UBTD2: variants seen among roughly 807,000 people sequenced by gnomAD.
UBTD2 encodes the protein ubiquitin domain containing 2, also known as ubiquitin domain-containing protein 2.
A neutral mutation model predicts 19.8 loss-of-function variants in UBTD2; 9 were observed. The observed-to-expected ratio is 0.46, with a 90% CI of 0.27 to 0.79. The LOEUF (loss-of-function observed/expected upper bound fraction) is 0.79. Among genes scored for constraint, UBTD2 ranks in the 30% least tolerant of loss-of-function variants. The pLI, the probability that UBTD2 is intolerant of heterozygous loss-of-function variation, is 0.14. For synonymous variants in UBTD2, 98 were observed against 103.9 expected (o/e 0.94, Z 0.35); for missense variants, 250 against 300.4 (o/e 0.83, Z 1.24).
intron 1 of UBTD2, among the ~76,000 whole-genome samples, chr5:172,277,472 C>G (rs1436820258): frequency 6.6e-6 from 1 of 151,902 alleles, no homozygotes; most frequent in Non-Finnish European, 1.5e-5. Context: ...TTTGGGAGGT[C>G]AAGGAGGGAG....
intron 1 of UBTD2, among the ~76,000 whole-genome samples, chr5:172,261,630 CT>C (rs967721607): frequency 5.0e-4 from 74 of 146,554 alleles, no homozygotes; most frequent in Middle Eastern, 3.6e-3. Context: ...CTCACATACA[CT>C]TTTTTTTTTT....
chr5:172,235,088 A>AT lies in UBTD2; in HGVS notation c.71-731dup, dbSNP rs11441063. Among the ~76,000 whole-genome samples, 340 of 151,696 alleles carry AT rather than the reference A, an allele frequency of 2.2e-3. 1 individual carries two copies. Among genetic ancestry groups the AT allele is most frequent in the Middle Eastern group, 0.014 (4 of 294 alleles). On this transcript the variant is annotated intron_variant, in intron 1 of 2. Transcript: ENST00000393792. ...ATGAATCTAAAACTGCTCTAAAAAA[A>AT]TTTTTTTTTAATACAATGAAAGTTT...
At chr5:172,276,294 A>C (rs1200413013) in intron 1 of UBTD2, among the ~76,000 whole-genome samples, 1 of 152,166 alleles carries the variant, frequency 6.6e-6, no homozygotes, top group African/African-American at 2.4e-5. Context: ...CAGTCAGTAC[A>C]TTCTTTTCAT....
intron 1 of UBTD2, among the ~76,000 whole-genome samples, chr5:172,237,665 GAAA>G (rs1188455980): frequency 6.6e-6 from 1 of 152,086 alleles, no homozygotes; most frequent in East Asian, 1.9e-4. Context: ...AAATAACTGG[GAAA>G]AAAATTAGCA....
chr5:172,283,770 C>A (rs1755776004), upstream of UBTD2: 1 of 775,392 alleles, frequency 1.3e-6, no homozygotes. The surrounding 1 kb of genome is among the most constrained non-coding windows in gnomAD (Gnocchi z 4.3). Context: ...CGGACAGGCG[C>A]GCCGCTCCGC....
chr5:172,281,847 T>A (rs781353909), intron 1 of UBTD2, among the ~76,000 whole-genome samples: 1 of 152,178 alleles, frequency 6.6e-6, no homozygotes, highest in Non-Finnish European at 1.5e-5. Context: ...GTGGTTAATG[T>A]TCCTTTTTCT....
chr5:172,268,421 C>T (rs1169808006), intron 1 of UBTD2, among the ~76,000 whole-genome samples: 2 of 152,124 alleles, frequency 1.3e-5, no homozygotes, highest in African/African-American at 4.8e-5. Flanking sequence ...AAAACAGAGG[C>T]TACAGCACAC....
intron 2 of UBTD2, among the ~76,000 whole-genome samples, chr5:172,228,253 C>T (rs1029538245): frequency 6.6e-6 from 1 of 152,124 alleles, no homozygotes; most frequent in Admixed American, 6.5e-5. Context: ...AATGACTTGT[C>T]CAGGGCATTG....
chr5:172,224,634 C>T (rs549093773), intron 2 of UBTD2, among the ~76,000 whole-genome samples: 169 of 152,242 alleles, frequency 1.1e-3, no homozygotes, highest in African/African-American at 3.9e-3. Flanking sequence ...CTCTGCTCCT[C>T]ACTCTTCTCT....
At chr5:172,247,191 C>T (rs573916114) in intron 1 of UBTD2, among the ~76,000 whole-genome samples, 1 of 152,020 alleles carries the variant, frequency 6.6e-6, no homozygotes, top group South Asian at 2.1e-4. Flanking sequence ...AAATACTAAT[C>T]AAAAGAAAGT....
chr5:172,235,851 G>C (rs1389004818), intron 1 of UBTD2, among the ~76,000 whole-genome samples: 1 of 152,196 alleles, frequency 6.6e-6, no homozygotes, highest in East Asian at 1.9e-4. Context: ...GAAAAGATAA[G>C]AAGAGTGTTG....
In UBTD2 at chr5:172,283,095, C is replaced by A. The variant is rs1349622147; in HGVS notation, c.70+501G>T. 2.0e-5 allele frequency among the ~76,000 whole-genome samples: 3 copies of A among 152,122 alleles called. No homozygotes were observed. Among genetic ancestry groups the A allele is most frequent in the African/African-American group, 7.2e-5 (3 of 41,420 alleles). On this transcript the variant is annotated intron_variant, in intron 1 of 2. Transcript: ENST00000393792. This position sits in a 1 kb window ranked among gnomAD's most constrained non-coding sequence, Gnocchi z 4.3. ...CCAGAAACTCGCAGGTTTAAATGGC[C>A]AATCTGGAACCAACCGGGGCAGCTG... is the stretch of plus-strand genomic sequence containing the variant.
At chr5:172,255,065 G>A (rs574748324) in intron 1 of UBTD2, 26 of 500,736 alleles carry the variant, frequency 5.2e-5, no homozygotes, top group South Asian at 3.4e-4. Context: ...CATCATCTGC[G>A]GCATGGACAA....
At chr5:172,240,608 T>C (rs1254710692) in intron 1 of UBTD2, among the ~76,000 whole-genome samples, 3 of 152,128 alleles carry the variant, frequency 2.0e-5, no homozygotes, top group South Asian at 4.1e-4. Flanking sequence ...TACCGCAACA[T>C]AGTATGTTCA....
chr5:172,255,231 C>T, intron 1 of UBTD2: 1 of 454,170 alleles, frequency 2.2e-6, no homozygotes, highest in South Asian at 1.8e-5. Flanking sequence ...GTGAACTCCG[C>T]TTGCTCACCA....
At chr5:172,215,726 A>C (rs1771527646) in intron 2 of UBTD2, among the ~76,000 whole-genome samples, 1 of 152,224 alleles carries the variant, frequency 6.6e-6, no homozygotes. Context: ...TGGGAATGTA[A>C]TAAGAGAGAT....
intron 1 of UBTD2, among the ~76,000 whole-genome samples, chr5:172,251,314 C>CAAAAAAAAAAAAAGAAAAAAAAAAA (rs57577423): frequency 1.1e-3 from 130 of 118,072 alleles, no homozygotes; most frequent in African/African-American, 4.3e-3. Context: ...GAGCCTATCT[C>CAAAAAAAAAAAAAGAAAAAAAAAAA]AAAAAAAAAA....
chr5:172,254,379 G>C (rs1331217949), intron 1 of UBTD2: 1 of 303,890 alleles, frequency 3.3e-6, no homozygotes, highest in Non-Finnish European at 6.3e-6. Flanking sequence ...TTACAGGCGT[G>C]AGCCACTGCG....
At chr5:172,255,090 G>A (rs760058980) in intron 1 of UBTD2, 1 of 491,260 alleles carries the variant, frequency 2.0e-6, no homozygotes, top group African/African-American at 2.0e-5. Context: ...CACGTCAAAA[G>A]GCTGCCAGCC....
Sources: allele counts gnomAD v4.1 joint callset (sites outside exome capture counted in the v4.1 genomes callset), GRCh38; gene constraint gnomAD v4.1.1; non-coding constraint Gnocchi (gnomAD v3.1); transcripts MANE v1.5; gene names NCBI Gene and HGNC (gene_info 2026-07-23, HGNC 2026-07-21).